TRAF3: variants seen among roughly 807,000 people sequenced by gnomAD.
TRAF3 encodes TNF receptor associated factor 3.
In TRAF3, 13 loss-of-function variants were observed where a neutral mutation model predicts 62.3. The ratio of observed to expected loss-of-function variants is 0.21; its 90% CI spans 0.14 to 0.33. The LOEUF (loss-of-function observed/expected upper bound fraction) is 0.33, where lower values mean the gene tolerates loss of function less well. TRAF3 is among the 10% of genes least tolerant of loss of function. The pLI, the probability that TRAF3 is intolerant of heterozygous loss-of-function variation, is 1.00. For synonymous variants in TRAF3, 269 were observed against 283.4 expected (o/e 0.95, Z 0.51); for missense variants, 440 against 741.8 (o/e 0.59, Z 4.73).
At chr14:102,867,341 A>G (rs1382442936) in intron 2 of TRAF3, among the ~76,000 whole-genome samples, 2 of 152,106 alleles carry the variant, frequency 1.3e-5, no homozygotes, top group African/African-American at 4.8e-5. Context: ...TAGTTCAAAG[A>G]CCTTACAAAA....
chr14:102,808,499 C>T (rs1426060784), intron 1 of TRAF3, among the ~76,000 whole-genome samples: 3 of 131,704 alleles, frequency 2.3e-5, no homozygotes, highest in African/African-American at 5.9e-5. Flanking sequence ...GGCAACAGAG[C>T]GAGACTCCAT....
chr14:102,853,837 T>TAAA (rs35601098), intron 2 of TRAF3, among the ~76,000 whole-genome samples: 130 of 133,312 alleles, frequency 9.8e-4, no homozygotes, highest in African/African-American at 3.4e-3. Flanking sequence ...AGACTCCGTC[T>TAAA]AAAAAAAAAA....
At chr14:102,834,097 C>T (rs917335777) in intron 2 of TRAF3, among the ~76,000 whole-genome samples, 1 of 152,044 alleles carries the variant, frequency 6.6e-6, no homozygotes, top group African/African-American at 2.4e-5. Context: ...ACTAGAAAAA[C>T]ACTGCTTTAA....
chr14:102,805,028 G>T (rs1898685874), intron 1 of TRAF3, among the ~76,000 whole-genome samples: 1 of 152,166 alleles, frequency 6.6e-6, no homozygotes, highest in Non-Finnish European at 1.5e-5. Context: ...TTTGTATTGT[G>T]ATTGACACAT....
intron 1 of TRAF3, among the ~76,000 whole-genome samples, chr14:102,784,303 A>C (rs920902223): frequency 1.4e-5 from 2 of 142,720 alleles, no homozygotes; most frequent in African/African-American, 5.5e-5. Context: ...ACTCACTGCA[A>C]CCTCCGCCCC....
rs565962089 is a variant in TRAF3, at chr14:102,829,086, T to C, written c.-156-1248T>C. On this transcript the variant is annotated intron_variant, in intron 1 of 11. Coordinates refer to ENST00000392745, the MANE Select transcript of TRAF3 (RefSeq NM_145725.3). ...TCCAGCTGCTGCTCTTCGTTTATCT[T>C]AGAGGGAGGCCAAGAGTCAGAGCGG... Among the ~76,000 whole-genome samples, 7 of 152,302 alleles carry C rather than the reference T, an allele frequency of 4.6e-5. No individual in the cohort carries two copies. The East Asian group carries it at 1.3e-3, about 29-fold the overall frequency.
At chr14:102,819,488 T>C (rs1899761200) in intron 1 of TRAF3, among the ~76,000 whole-genome samples, 1 of 152,206 alleles carries the variant, frequency 6.6e-6, no homozygotes, top group African/African-American at 2.4e-5. Flanking sequence ...TGCACATCGC[T>C]CAGCATGTTT....
intron 2 of TRAF3, among the ~76,000 whole-genome samples, chr14:102,851,751 A>G (rs902370030): frequency 3.3e-5 from 5 of 151,986 alleles, no homozygotes; most frequent in Non-Finnish European, 4.4e-5. Context: ...CTCAAAAAAA[A>G]AGAAATTATC....
intron 6 of TRAF3, among the ~76,000 whole-genome samples, chr14:102,877,845 A>G (rs1888803972): frequency 7.1e-6 from 1 of 140,876 alleles, no homozygotes; most frequent in Admixed American, 7.0e-5. Flanking sequence ...CCCTCCCTCA[A>G]CTCATAGATA....
At chr14:102,828,783 T>C (rs1218379842) in intron 1 of TRAF3, among the ~76,000 whole-genome samples, 1 of 152,242 alleles carries the variant, frequency 6.6e-6, no homozygotes, top group Non-Finnish European at 1.5e-5. Flanking sequence ...CCTATATAAG[T>C]GAATTATTGA....
intron 1 of TRAF3, among the ~76,000 whole-genome samples, chr14:102,789,205 T>TAATAAAAAGGA (rs1410599949): frequency 1.3e-5 from 2 of 152,232 alleles, no homozygotes; most frequent in Non-Finnish European, 2.9e-5. Flanking sequence ...TTTGTTCCTT[T>TAATAAAAAGGA]TTATTGCTGA....
chr14:102,900,152 G>T lies in TRAF3; in HGVS notation c.960+2751G>T, dbSNP rs191844650. ...CGAGATAGCGCCGCTGCAGTCAGGC[G>T]TGGGAGAAAGAGCAAGACTCCGTCT... On this transcript the variant is annotated intron_variant, in intron 10 of 11. Coordinates refer to ENST00000392745, the MANE Select transcript of TRAF3 (RefSeq NM_145725.3). 4.3e-5 allele frequency among the ~76,000 whole-genome samples: 6 copies of T among 140,928 alleles called. No homozygotes were observed. In the East Asian group the frequency reaches 1.3e-3, roughly 29 times the overall value. The allele number at this position is 140,928 out of a possible 152,430, so 92.5% of individuals were successfully genotyped here. A position where few individuals can be genotyped will look rare whatever the true frequency, so the allele number is the denominator to read the frequency against.
intron 6 of TRAF3, among the ~76,000 whole-genome samples, chr14:102,879,102 T>A (rs1259768123): frequency 2.0e-5 from 3 of 151,236 alleles, no homozygotes; most frequent in African/African-American, 7.3e-5. Context: ...GCTCGCAGGA[T>A]CATGGGGCTG....
intron 1 of TRAF3, among the ~76,000 whole-genome samples, chr14:102,818,002 G>C (rs1376993762): frequency 2.0e-5 from 3 of 152,162 alleles, no homozygotes; most frequent in Non-Finnish European, 4.4e-5. Context: ...CTGGAGAGGG[G>C]TGGGGAGCTG....
In TRAF3 at chr14:102,813,577, A is replaced by G. The variant is rs375025096; in HGVS notation, c.-156-16757A>G. Among the ~76,000 whole-genome samples the G allele has an allele frequency of 2.0e-4, 31 of 151,586 alleles. No individual in the cohort carries two copies. In the East Asian group the frequency reaches 5.5e-3, roughly 27 times the overall value. Reference sequence around the variant, plus strand: ...GTGATTCTCCTGCCTCAACCTCTTGAGTAGCTGGGACTACAGGCGCACACC... The same window carrying G: ...GTGATTCTCCTGCCTCAACCTCTTGGGTAGCTGGGACTACAGGCGCACACC... On this transcript the variant is annotated intron_variant, in intron 1 of 11. Transcript: ENST00000392745.
At chr14:102,882,104 A>G (rs1595391670) in intron 6 of TRAF3, among the ~76,000 whole-genome samples, 1 of 152,338 alleles carries the variant, frequency 6.6e-6, no homozygotes, top group Non-Finnish European at 1.5e-5. Context: ...TAACATGCCA[A>G]CAAGGAAGGA....
chr14:102,790,394 C>T (rs959340293), intron 1 of TRAF3, among the ~76,000 whole-genome samples: 3 of 152,158 alleles, frequency 2.0e-5, no homozygotes, highest in African/African-American at 4.8e-5. Context: ...ACATCAGTAC[C>T]ACACTATATT....
rs1479825432 is a variant in TRAF3, at chr14:102,830,079, GC to G, written c.-156-253del. Among the ~76,000 whole-genome samples the G allele has an allele frequency of 2.6e-5, 4 of 152,358 alleles. No homozygotes were observed. In the East Asian group the frequency reaches 7.7e-4, roughly 29 times the overall value. ...GAAATGTCTGTGTGTGATTTCAGGG[GC>G]CTGAGGTCGGAAGGTTGGAGCCTGG... On this transcript the variant is annotated intron_variant, in intron 1 of 11. Coordinates refer to ENST00000392745, the MANE Select transcript of TRAF3 (RefSeq NM_145725.3).
chr14:102,811,521 A>T (rs1268935640), intron 1 of TRAF3, among the ~76,000 whole-genome samples: 2 of 129,852 alleles, frequency 1.5e-5, no homozygotes, highest in Non-Finnish European at 3.2e-5. Flanking sequence ...ACCTACAAGG[A>T]GCTCAAGGAG....
Sources: allele counts gnomAD v4.1 joint callset (sites outside exome capture counted in the v4.1 genomes callset), GRCh38; gene constraint gnomAD v4.1.1; transcripts MANE v1.5; gene names NCBI Gene and HGNC (gene_info 2026-07-23, HGNC 2026-07-21).